The following B4GALNT2 variants were observed in gnomAD, a reference collection of about 807,000 sequenced individuals.
B4GALNT2 encodes the protein N-acetylneuraminylgalactosylglucosyl-glucoside beta-1,4-N- acetylgalactosaminyltransferase 2.
In B4GALNT2, 42 loss-of-function variants were observed where a neutral mutation model predicts 51.1. The observed-to-expected ratio is 0.82, with a 90% CI of 0.64 to 1.06. The LOEUF is 1.06. B4GALNT2 is among the 50% of genes least tolerant of loss of function. B4GALNT2 has a pLI of 0.00. For missense variants in B4GALNT2, 602 were observed against 633.6 expected (o/e 0.95, Z 0.54); for synonymous variants, 253 against 251.7 (o/e 1.01, Z -0.05).
intron 5 of B4GALNT2, among the ~76,000 whole-genome samples, chr17:49,157,782 C>A (rs933357962): frequency 6.6e-6 from 1 of 152,192 alleles, no homozygotes; most frequent in African/African-American, 2.4e-5. Context: ...CTTCGTAGTC[C>A]TGCTCTGGAC....
chr17:49,169,431 C>T, intron 10 of B4GALNT2, 92 bp from the exon 11 acceptor site: 2 of 1,242,934 alleles, frequency 1.6e-6, no homozygotes, highest in Non-Finnish European at 2.3e-6. Context: ...GAACTGTGTC[C>T]TCTCCCTGGG....
the B4GALNT2 span, among the ~76,000 whole-genome samples, chr17:49,126,650 C>CTT: frequency 3.4e-5 from 3 of 88,020 alleles, no homozygotes; most frequent in Non-Finnish European, 5.1e-5. Flanking sequence ...TTCTTTCTTT[C>CTT]TTTTTTTTTT....
At chr17:49,132,001 G>A (rs2042542604), upstream of B4GALNT2, among the ~76,000 whole-genome samples, 1 of 152,020 alleles carries the variant, frequency 6.6e-6, no homozygotes, top group Non-Finnish European at 1.5e-5. Flanking sequence ...AATTAGCCAG[G>A]TGCGGTCGTG....
intron 3 of B4GALNT2, among the ~76,000 whole-genome samples, chr17:49,151,720 T>C (rs1258262770): frequency 6.7e-6 from 1 of 148,550 alleles, no homozygotes; most frequent in Non-Finnish European, 1.5e-5. Context: ...AACTCCAGCC[T>C]GGCAACCTAG....
chr17:49,140,028 G>T (rs910365072), intron 1 of B4GALNT2, among the ~76,000 whole-genome samples: 5 of 149,220 alleles, frequency 3.4e-5, no homozygotes, highest in African/African-American at 1.2e-4. Context: ...ATGTAACTTT[G>T]CCCTATATTA....
Position 49,175,126 on chromosome 17 carries a change from G to C in B4GALNT2, c.*5398G>C, listed in dbSNP as rs1389437587. The C allele has an allele frequency of 1.3e-5, 2 of 152,180 alleles. No homozygotes were observed. The highest frequency in any genetic ancestry group is 1.3e-4 in the Admixed American group (2 of 15,280). The allele number at this position is 152,180 out of a possible 1,614,324, so 9.4% of individuals were successfully genotyped here. A position where few individuals can be genotyped will look rare whatever the true frequency, so the allele number is the denominator to read the frequency against. On this transcript the variant is annotated 3_prime_UTR_variant, in exon 11 of 11. Coordinates refer to ENST00000393354, the MANE Select transcript of B4GALNT2 (RefSeq NM_001159387.2). ...CCAACTATGTTAAATTGAGTGGGTTGAATTTGCCACGTGGACAGCCAGTGC... is the reference window on the plus strand; with the variant it reads ...CCAACTATGTTAAATTGAGTGGGTTCAATTTGCCACGTGGACAGCCAGTGC...
At chr17:49,160,672 G>A (rs1465996040) in intron 7 of B4GALNT2, 31 bp downstream of exon 7, 4 of 1,577,380 alleles carry the variant, frequency 2.5e-6, no homozygotes, top group Non-Finnish European at 3.5e-6. Flanking sequence ...GCTCCGTGGT[G>A]GCAACCCTGT....
chr17:49,150,463 G>C (rs943428759), intron 3 of B4GALNT2, among the ~76,000 whole-genome samples: 6 of 152,308 alleles, frequency 3.9e-5, no homozygotes, highest in African/African-American at 1.4e-4. Flanking sequence ...TGACAATGGC[G>C]GTTTTGTGGA....
chr17:49,152,546 C>T (rs1279424746), intron 3 of B4GALNT2, among the ~76,000 whole-genome samples: 1 of 152,172 alleles, frequency 6.6e-6, no homozygotes, highest in Non-Finnish European at 1.5e-5. Context: ...CGTGGAGGCG[C>T]ACTCCTATAA....
At chr17:49,146,477 AT>A (rs2042695923) in intron 3 of B4GALNT2, among the ~76,000 whole-genome samples, 1 of 152,032 alleles carries the variant, frequency 6.6e-6, no homozygotes. Context: ...CTCCCTGTTA[AT>A]TTTTGTATTT....
chr17:49,147,966 T>TTATA (rs140831657), intron 3 of B4GALNT2, among the ~76,000 whole-genome samples: 51 of 147,718 alleles, frequency 3.5e-4, no homozygotes, highest in East Asian at 9.8e-4. Context: ...TTTTATTCAA[T>TTATA]TATATATATA....
chr17:49,154,167 AT>A (rs1447948624), intron 4 of B4GALNT2, among the ~76,000 whole-genome samples: 1 of 150,912 alleles, frequency 6.6e-6, no homozygotes, highest in Non-Finnish European at 1.5e-5. Context: ...CACCTGGCTA[AT>A]TTTTGTATTT....
chr17:49,152,332 T>A (rs112716448), intron 3 of B4GALNT2, among the ~76,000 whole-genome samples: 13,009 of 152,218 alleles, frequency 0.085, 666 homozygotes, highest in South Asian at 0.15. Flanking sequence ...GAGCCGTGAT[T>A]GTGCCACTGT....
chr17:49,144,812 T>C (rs1307620855), intron 3 of B4GALNT2, among the ~76,000 whole-genome samples: 3 of 152,042 alleles, frequency 2.0e-5, no homozygotes, highest in Non-Finnish European at 4.4e-5. Context: ...TTATTAAGTA[T>C]TAACTTACAT....
upstream of B4GALNT2, among the ~76,000 whole-genome samples, chr17:49,127,654 C>T (rs911621775): frequency 2.0e-5 from 3 of 152,104 alleles, no homozygotes; most frequent in Non-Finnish European, 4.4e-5. Context: ...AAAAATTTCC[C>T]TATTGGATTA....
At chr17:49,162,437 T>A (rs1349353433) in intron 7 of B4GALNT2, among the ~76,000 whole-genome samples, 1 of 152,136 alleles carries the variant, frequency 6.6e-6, no homozygotes, top group Admixed American at 6.5e-5. Context: ...AAACAGCATA[T>A]CAACTGTGGT....
intron 8 of B4GALNT2, among the ~76,000 whole-genome samples, chr17:49,164,570 C>T: frequency 6.8e-6 from 1 of 146,916 alleles, no homozygotes; most frequent in South Asian, 2.1e-4. Flanking sequence ...GGCATGATCT[C>T]AGCTCACTGC....
intron 1 of B4GALNT2, among the ~76,000 whole-genome samples, chr17:49,135,840 G>A (rs1257727437): frequency 6.6e-6 from 1 of 151,616 alleles, no homozygotes; most frequent in Non-Finnish European, 1.5e-5. Flanking sequence ...GAGGCGGGCG[G>A]ATCACGAGGT....
At chr17:49,157,929 T>C (rs1036364032) in intron 5 of B4GALNT2, among the ~76,000 whole-genome samples, 2 of 152,208 alleles carry the variant, frequency 1.3e-5, no homozygotes, top group African/African-American at 2.4e-5. Flanking sequence ...GACTGACTAG[T>C]ATCAACAGTG....
Sources: allele counts gnomAD v4.1 joint callset (sites outside exome capture counted in the v4.1 genomes callset), GRCh38; gene constraint gnomAD v4.1.1; transcripts MANE v1.5; gene names NCBI Gene and HGNC (gene_info 2026-07-23, HGNC 2026-07-21).